Variants in THOC5 observed in about 807,000 individuals in gnomAD.
THOC5 encodes THO complex subunit 5, also known as Fms-interacting protein.
In THOC5, 43 loss-of-function variants were observed where a neutral mutation model predicts 92.9. That is an observed-to-expected ratio of 0.46 (90% CI 0.36 to 0.60). The LOEUF is 0.60. Among genes scored for constraint, THOC5 ranks in the 20% least tolerant of loss-of-function variants. THOC5 has a pLI of 0.00. For synonymous variants in THOC5, 296 were observed against 320.1 expected (o/e 0.92, Z 0.80); for missense variants, 659 against 849.4 (o/e 0.78, Z 2.79).
At chr22:29,535,790 C>T (rs1405188472) in intron 7 of THOC5, 2 of 152,224 alleles carry the variant, frequency 1.3e-5, no homozygotes, top group African/African-American at 4.8e-5. Context: ...AGCGATCCTC[C>T]TGCCTCAGCC....
At position 29,543,426 on chromosome 22, in the gene THOC5, T is replaced by C; in HGVS notation, c.354+3A>G. 6.4e-7 allele frequency: 1 copy of C among 1,564,742 alleles called. No individual in the cohort carries two copies. Among genetic ancestry groups the C allele is most frequent in the South Asian group, 1.1e-5 (1 of 90,278 alleles). ...GGTTAAAATTAAACCTTTTAACTAC[T>C]ACCTCGTGGGTCTGATCTCTTCCTT... is the stretch of plus-strand genomic sequence containing the variant. On this transcript the variant is annotated splice_donor_region_variant and intron_variant, in intron 4 of 19. Transcript: ENST00000490103.
chr22:29,552,072 C>T (rs2064163922), intron 1 of THOC5, among the ~76,000 whole-genome samples: 1 of 152,208 alleles, frequency 6.6e-6, no homozygotes, highest in South Asian at 2.1e-4. Context: ...CAGACGGAGT[C>T]TCGTTCACTC....
chr22:29,531,308 A>G (rs2063650805), intron 8 of THOC5: 2 of 985,270 alleles, frequency 2.0e-6, no homozygotes, highest in Non-Finnish European at 2.4e-6. Context: ...ATTAGGGCAA[A>G]AGGCAGAGTC....
At chr22:29,517,004 C>A (rs2074950) in intron 17 of THOC5, 25 bp downstream of exon 17, 7 of 1,612,316 alleles carry the variant, frequency 4.3e-6, no homozygotes, top group African/African-American at 4.0e-5. Flanking sequence ...TTGTCTAGAA[C>A]CCCTGTAATC....
chr22:29,511,714 G>A (rs971198790), intron 18 of THOC5, among the ~76,000 whole-genome samples: 23 of 152,364 alleles, frequency 1.5e-4, no homozygotes, highest in African/African-American at 5.3e-4. Context: ...TGTCATTCCA[G>A]TGCTTCTATA....
chr22:29,531,009 T>G, intron 8 of THOC5: 28 of 1,005,090 alleles, frequency 2.8e-5, no homozygotes, highest in Non-Finnish European at 3.4e-5. Context: ...CATTTAATAT[T>G]AGCATTCTAC....
intron 8 of THOC5, 106 bp downstream of exon 8, chr22:29,531,725 G>A (rs536993231): frequency 1.4e-5 from 21 of 1,513,090 alleles, no homozygotes; most frequent in East Asian, 6.9e-5. Flanking sequence ...TGAGGGCTTC[G>A]GGCAGGACTG....
chr22:29,531,009 T>C, intron 8 of THOC5: 3 of 1,005,090 alleles, frequency 3.0e-6, no homozygotes, highest in Non-Finnish European at 3.6e-6. Flanking sequence ...CATTTAATAT[T>C]AGCATTCTAC....
intron 5 of THOC5, among the ~76,000 whole-genome samples, chr22:29,540,897 T>G (rs1394840652): frequency 1.3e-5 from 2 of 152,148 alleles, no homozygotes; most frequent in East Asian, 3.8e-4. Flanking sequence ...GACGATTTTG[T>G]GGAACAGATA....
At chr22:29,538,524 A>G (rs956642146) in intron 6 of THOC5, among the ~76,000 whole-genome samples, 1 of 151,928 alleles carries the variant, frequency 6.6e-6, no homozygotes, top group African/African-American at 2.4e-5. Context: ...GAGACCAGGC[A>G]TGGTAACTCA....
chr22:29,551,676 A>T (rs970139924), intron 1 of THOC5, among the ~76,000 whole-genome samples: 32 of 152,108 alleles, frequency 2.1e-4, no homozygotes, highest in Non-Finnish European at 3.1e-4. Context: ...GCTTGAGCCC[A>T]GAAGTTCCAG....
In THOC5 at chr22:29,539,332, T is replaced by C. The variant is rs1307574005; in HGVS notation, c.597A>G (p.Lys199=). 14 of 1,613,420 alleles carry C rather than the reference T, an allele frequency of 8.7e-6. No homozygotes were observed. Among genetic ancestry groups the C allele is most frequent in the African/African-American group, 1.3e-5 (1 of 74,880 alleles). Reference sequence around the variant, plus strand: ...GGTCAGGAAGGAGGAAATGCTACCTTTTCCGCTGCTCCAGCTCCCAGTCCA... The same window carrying C: ...GGTCAGGAAGGAGGAAATGCTACCTCTTCCGCTGCTCCAGCTCCCAGTCCA... The part of the protein sequence containing the change: ...ARLDWELEQR[K]RLAEKYRECL... Residue 199 remains lysine (K), a splice_region_variant and synonymous_variant, in exon 6 of 20, where the codon AAA becomes AAG. Transcript: ENST00000490103.
At chr22:29,517,399 T>C (rs1259711466) in intron 15 of THOC5, 33 bp from the exon 16 acceptor site, 2 of 1,596,380 alleles carry the variant, frequency 1.3e-6, no homozygotes, top group Admixed American at 1.7e-5. Flanking sequence ...ACGTCACAGG[T>C]AGAAATCAGG....
chr22:29,511,588 G>T, intron 18 of THOC5: 1 of 473,486 alleles, frequency 2.1e-6, no homozygotes, highest in Non-Finnish European at 3.8e-6. Context: ...AGAAGATGTT[G>T]GTTAAAAACG....
chr22:29,533,049 G>C (rs1217977660), intron 7 of THOC5, among the ~76,000 whole-genome samples: 1 of 152,132 alleles, frequency 6.6e-6, no homozygotes. Flanking sequence ...GAAATGAAAA[G>C]TCTAAAATAA....
At chr22:29,538,800 GGAAAAAAAAAAAAAAAA>G (rs2063815661) in intron 6 of THOC5, among the ~76,000 whole-genome samples, 2 of 32,988 alleles carry the variant, frequency 6.1e-5, no homozygotes, top group Admixed American at 4.9e-4. Flanking sequence ...CCATCTCTTT[GGAAAAAAAAAAAAAAAA>G]AAAAAAAAAA....
chr22:29,542,817 C>G, intron 5 of THOC5, 42 bp downstream of exon 5: 1 of 1,412,820 alleles, frequency 7.1e-7, no homozygotes, highest in South Asian at 1.2e-5. Flanking sequence ...AAGCAGTTAC[C>G]GAAAGACCAC....
intron 11 of THOC5, among the ~76,000 whole-genome samples, chr22:29,527,844 T>C (rs952725712): frequency 1.3e-5 from 2 of 152,374 alleles, no homozygotes; most frequent in East Asian, 1.9e-4. Context: ...GAAAGAGGTA[T>C]AGTTTTCTCA....
intron 5 of THOC5, among the ~76,000 whole-genome samples, chr22:29,540,673 C>T (rs914121613): frequency 1.4e-4 from 22 of 152,130 alleles, no homozygotes; most frequent in Middle Eastern, 3.2e-3. Context: ...GTTTTTGATA[C>T]CTTTTTAATT....
Sources: gnomAD v4.1 joint callset for allele counts (sites outside exome capture counted in the v4.1 genomes callset) on GRCh38, gnomAD v4.1.1 for gene constraint, MANE v1.5 for transcripts, NCBI Gene and HGNC (gene_info 2026-07-23, HGNC 2026-07-21) for gene names.